The following DOCK5 variants were observed in gnomAD, a reference collection of about 807,000 sequenced individuals.
DOCK5 encodes dedicator of cytokinesis protein 5.
Under a neutral mutation model 251.8 loss-of-function variants are expected in DOCK5, and 142 were observed. That is an observed-to-expected ratio of 0.56 (90% CI 0.49 to 0.65). DOCK5 has a LOEUF of 0.65. DOCK5 is among the 30% of genes least tolerant of loss of function. DOCK5 has a pLI of 0.00. For synonymous variants in DOCK5, 842 were observed against 835.5 expected (o/e 1.01, Z -0.13); for missense variants, 2,111 against 2,312.3 (o/e 0.91, Z 1.79).
chr8:25,348,453 G>C (rs1168557012), intron 26 of DOCK5, among the ~76,000 whole-genome samples: 1 of 152,176 alleles, frequency 6.6e-6, no homozygotes, highest in African/African-American at 2.4e-5. Flanking sequence ...CAGGCACTGG[G>C]ATCAGCTAGG....
chr8:25,226,292 C>T (rs1420635632), intron 1 of DOCK5, among the ~76,000 whole-genome samples: 6 of 117,338 alleles, frequency 5.1e-5, no homozygotes, highest in Non-Finnish European at 4.9e-5. Flanking sequence ...GACAGAGTCT[C>T]ACTCTGTCAC....
intron 11 of DOCK5, among the ~76,000 whole-genome samples, chr8:25,306,184 A>C (rs1406687923): frequency 6.6e-6 from 1 of 152,094 alleles, no homozygotes. Flanking sequence ...ATAAAATAAA[A>C]TAGTTAAAAA....
At chr8:25,190,575 A>G (rs375112086) in intron 1 of DOCK5, among the ~76,000 whole-genome samples, 30 of 152,180 alleles carry the variant, frequency 2.0e-4, no homozygotes, top group African/African-American at 7.2e-4. Context: ...TAGAGATGTA[A>G]CTTTTTTCTT....
At chr8:25,374,248 A>G (rs1167126659) in intron 36 of DOCK5, among the ~76,000 whole-genome samples, 1 of 152,166 alleles carries the variant, frequency 6.6e-6, no homozygotes, top group African/African-American at 2.4e-5. Flanking sequence ...GAGGGGGGTC[A>G]GGCAGGGAAG....
Position 25,408,049 on chromosome 8 carries a change from T to C in DOCK5, c.5160T>C (p.Leu1720=), listed in dbSNP as rs1801553733. 6.2e-7 allele frequency: 1 copy of C among 1,611,132 alleles called. No individual in the cohort carries two copies. Among genetic ancestry groups the C allele is most frequent in the African/African-American group, 1.3e-5 (1 of 74,872 alleles). ...SSGARVEDLS[L]REENSENRIS... ...GTGCCAGAGTTGAAGATCTGTCCCT[T>C]AGAGAGGAGAACAGCGAGAACCGGA... is the stretch of plus-strand genomic sequence containing the variant. Residue 1720 remains leucine, a synonymous_variant, in exon 49 of 52, where the codon CTT becomes CTC. Coordinates refer to ENST00000276440, the MANE Select transcript of DOCK5 (RefSeq NM_024940.8).
At chr8:25,309,241 A>G (rs1275613214) in intron 12 of DOCK5, among the ~76,000 whole-genome samples, 2 of 151,972 alleles carry the variant, frequency 1.3e-5, no homozygotes, top group Non-Finnish European at 2.9e-5. Flanking sequence ...CTGGAGTGCA[A>G]TTGCATGGTC....
Position 25,310,472 on chromosome 8 carries a change from T to C in DOCK5, c.1258T>C (p.Leu420=). Residue 420 remains leucine, a synonymous_variant, in exon 13 of 52, where the codon TTG becomes CTG. Transcript: ENST00000276440. ...CCAGGTTCAGAAGAATTTTTCACACTTGGTTGATAGATCAACAGCAATAGC... is the reference window on the plus strand; with the variant it reads ...CCAGGTTCAGAAGAATTTTTCACACCTGGTTGATAGATCAACAGCAATAGC... The part of the protein sequence containing the change: ...LTQVQKNFSH[L]VDRSTAIARK... 6.2e-7 allele frequency: 1 copy of C among 1,613,908 alleles called. No homozygotes were observed. The highest frequency in any genetic ancestry group is 8.5e-7 in the Non-Finnish European group (1 of 1,179,842).
intron 1 of DOCK5, among the ~76,000 whole-genome samples, chr8:25,202,101 C>A (rs1347256268): frequency 6.6e-6 from 1 of 152,140 alleles, no homozygotes; most frequent in Non-Finnish European, 1.5e-5. Context: ...ACTGCAATCT[C>A]TGCCTCCCGG....
chr8:25,309,312 T>C (rs963245041), intron 12 of DOCK5, among the ~76,000 whole-genome samples: 5 of 152,136 alleles, frequency 3.3e-5, no homozygotes, highest in African/African-American at 1.2e-4. Flanking sequence ...GCCTTCCAAG[T>C]AGCTGGGACT....
intron 3 of DOCK5, among the ~76,000 whole-genome samples, chr8:25,269,867 C>T (rs761320568): frequency 1.2e-4 from 18 of 152,308 alleles, no homozygotes; most frequent in Admixed American, 2.6e-4. Context: ...ACCAGACCCA[C>T]GGTTCTTACA....
chr8:25,331,443 C>T (rs1805680368), intron 18 of DOCK5, among the ~76,000 whole-genome samples: 1 of 152,040 alleles, frequency 6.6e-6, no homozygotes, highest in Admixed American at 6.6e-5. Flanking sequence ...ATTTATTAAA[C>T]CTGTAAGTGG....
intron 5 of DOCK5, among the ~76,000 whole-genome samples, chr8:25,281,435 G>A (rs1261162629): frequency 1.4e-4 from 6 of 42,894 alleles, no homozygotes; most frequent in Admixed American, 1.3e-3. Flanking sequence ...GTGAAACTCC[G>A]TCTCAAAAAA....
intron 28 of DOCK5, among the ~76,000 whole-genome samples, chr8:25,361,010 C>T (rs938348780): frequency 6.6e-5 from 10 of 152,066 alleles, no homozygotes; most frequent in African/African-American, 1.7e-4. Context: ...ATTTAGTCCC[C>T]GGTGGCTGAG....
intron 1 of DOCK5, among the ~76,000 whole-genome samples, chr8:25,187,573 C>G (rs1358592232): frequency 6.8e-6 from 1 of 146,816 alleles, no homozygotes; most frequent in African/African-American, 2.6e-5. Flanking sequence ...TGCTAAAACT[C>G]ATTGTTTTTG....
Position 25,382,788 on chromosome 8 carries a change from C to T in DOCK5, c.4131+10C>T, listed in dbSNP as rs1256875643. 1 of 1,600,960 alleles carries T rather than the reference C, an allele frequency of 6.2e-7. No individual in the cohort carries two copies. The highest frequency in any genetic ancestry group is 8.5e-7 in the Non-Finnish European group (1 of 1,170,066). ...TCCTTCTTTCCTACGGGTAAGAAAC[C>T]TGATGGTGGTCTCCCAGGCCATTAG... On this transcript the variant is annotated intron_variant, in intron 40 of 51. Transcript: ENST00000276440.
chr8:25,244,816 G>T (rs1803054549), intron 2 of DOCK5, among the ~76,000 whole-genome samples: 1 of 152,212 alleles, frequency 6.6e-6, no homozygotes, highest in Non-Finnish European at 1.5e-5. Context: ...TTGGCAGAGG[G>T]CTGGGGTTTC....
At chr8:25,345,913 G>C (rs535857674) in intron 26 of DOCK5, among the ~76,000 whole-genome samples, 153 of 152,026 alleles carry the variant, frequency 1.0e-3, no homozygotes, top group African/African-American at 3.5e-3. Context: ...GCAGTGGCGC[G>C]ATCTCGGCTC....
rs139720951 is a variant in DOCK5 at position 25,373,288 on chromosome 8, G to A, written c.3685-330G>A. Reference sequence around the variant, plus strand: ...GCTGGGATTACAGGCGTGAGCCACCGCACCCGGCTGGATAGGTTATTTCTT... The same window carrying A: ...GCTGGGATTACAGGCGTGAGCCACCACACCCGGCTGGATAGGTTATTTCTT... On this transcript the variant is annotated intron_variant, in intron 35 of 51. Coordinates refer to ENST00000276440, the MANE Select transcript of DOCK5 (RefSeq NM_024940.8). 4.0e-3 allele frequency among the ~76,000 whole-genome samples: 614 copies of A among 152,184 alleles called. 6 individuals are homozygous for A. The highest frequency in any genetic ancestry group is 0.014 in the African/African-American group (571 of 41,530).
At chr8:25,391,365 T>C (rs1801257511) in intron 42 of DOCK5, among the ~76,000 whole-genome samples, 1 of 152,092 alleles carries the variant, frequency 6.6e-6, no homozygotes, top group Non-Finnish European at 1.5e-5. Flanking sequence ...CCTGGCCACA[T>C]ATACCTTTTA....
Sources: allele counts gnomAD v4.1 joint callset (sites outside exome capture counted in the v4.1 genomes callset), GRCh38; gene constraint gnomAD v4.1.1; transcripts MANE v1.5; gene names NCBI Gene and HGNC (gene_info 2026-07-23, HGNC 2026-07-21).